The following BTAF1 variants were observed in gnomAD, a reference collection of about 807,000 sequenced individuals.
BTAF1 encodes B-TFIID TATA-box binding protein associated factor 1.
Under a neutral mutation model 227.1 loss-of-function variants are expected in BTAF1, and 38 were observed. The ratio of observed to expected loss-of-function variants is 0.17; its 90% CI spans 0.13 to 0.22. The LOEUF (loss-of-function observed/expected upper bound fraction) is 0.22, where lower values mean the gene tolerates loss of function less well. BTAF1 is among the 10% of genes least tolerant of loss of function. BTAF1 has a pLI of 1.00. For missense variants in BTAF1, 1,598 were observed against 2,204.0 expected, an observed-to-expected ratio of 0.73 and a Z score of 5.51; for synonymous variants, 742 against 751.9, an observed-to-expected ratio of 0.99 and a Z score of 0.21.
intron 13 of BTAF1, 51 bp downstream of exon 13, chr10:91,964,252 C>G: frequency 6.4e-7 from 1 of 1,557,280 alleles, no homozygotes; most frequent in Non-Finnish European, 8.7e-7. Flanking sequence ...ACATACCTTT[C>G]GAGATAATTC....
At chr10:91,992,391 C>A in intron 21 of BTAF1, 82 bp downstream of exon 21, 1 of 1,286,896 alleles carries the variant, frequency 7.8e-7, no homozygotes, top group Non-Finnish European at 1.0e-6. Flanking sequence ...GTTGTATTAG[C>A]TTCCAGAGTT....
intron 27 of BTAF1, 41 bp downstream of exon 27, chr10:92,008,991 G>C: frequency 6.2e-7 from 1 of 1,611,936 alleles, no homozygotes; most frequent in Non-Finnish European, 8.5e-7. Flanking sequence ...TTCCGGATTT[G>C]GAGAAATGTA....
chr10:91,947,944 G>C (rs1467169903), intron 4 of BTAF1, among the ~76,000 whole-genome samples: 7 of 151,800 alleles, frequency 4.6e-5, no homozygotes, highest in Non-Finnish European at 1.0e-4. Context: ...TTTCATATTT[G>C]GGCTTTTGTT....
At chr10:92,014,332 A>T (rs2134133800) in intron 32 of BTAF1, among the ~76,000 whole-genome samples, 1 of 152,096 alleles carries the variant, frequency 6.6e-6, no homozygotes, top group Admixed American at 6.6e-5. Context: ...GGTTCAAGTG[A>T]TTCTCCAGCC....
At chr10:91,929,773 C>G (rs1024887458) in intron 1 of BTAF1, among the ~76,000 whole-genome samples, 1 of 151,898 alleles carries the variant, frequency 6.6e-6, no homozygotes, top group Admixed American at 6.6e-5. Flanking sequence ...CCAGGGTGGT[C>G]TTAAACTCTT....
intron 28 of BTAF1, among the ~76,000 whole-genome samples, chr10:92,009,520 A>C (rs569512415): frequency 6.6e-6 from 1 of 152,056 alleles, no homozygotes. Context: ...TTTTATTCTC[A>C]TTTTCTACCC....
chr10:91,971,866 G>A (rs1037614326), intron 14 of BTAF1, among the ~76,000 whole-genome samples: 2 of 151,894 alleles, frequency 1.3e-5, no homozygotes, highest in African/African-American at 4.8e-5. Context: ...GAAAAGAGCA[G>A]GGAATTGTAT....
chr10:91,958,574 C>A (rs916238973), intron 8 of BTAF1, among the ~76,000 whole-genome samples: 1 of 151,934 alleles, frequency 6.6e-6, no homozygotes, highest in African/African-American at 2.4e-5. Context: ...TGGTGGCGGG[C>A]GCCTGAAATC....
chr10:91,946,686 A>T (rs1238521074), intron 4 of BTAF1, among the ~76,000 whole-genome samples: 1 of 152,148 alleles, frequency 6.6e-6, no homozygotes, highest in African/African-American at 2.4e-5. Context: ...TGTATTGACC[A>T]TTTGTATACC....
chr10:92,025,501 G>A (rs917095331), intron 35 of BTAF1, among the ~76,000 whole-genome samples: 41 of 151,934 alleles, frequency 2.7e-4, no homozygotes, highest in Admixed American at 7.9e-4. Context: ...GACTTCAAGA[G>A]TAGCCATTTT....
chr10:92,024,703 G>A lies in BTAF1; in HGVS notation c.4864-53G>A, dbSNP rs1851364607. The A allele has an allele frequency of 2.8e-6, 4 of 1,443,548 alleles. No individual in the cohort carries two copies. The South Asian group carries it at 5.0e-5, about 18-fold the overall frequency. 89.4% of individuals were successfully genotyped at this position (1,443,548 alleles called of 1,614,324 possible). A position where few individuals can be genotyped will look rare whatever the true frequency, so the allele number is the denominator to read the frequency against. ...AGAGAGGAATGTCACAGTGAGATTA[G>A]TTTTCTGCTTTTATTGAACGCTTAT... On this transcript the variant is annotated intron_variant, in intron 34 of 37. Coordinates refer to ENST00000265990, the MANE Select transcript of BTAF1 (RefSeq NM_003972.3).
At chr10:91,965,926 T>G (rs1356584893) in intron 13 of BTAF1, among the ~76,000 whole-genome samples, 1 of 152,228 alleles carries the variant, frequency 6.6e-6, no homozygotes, top group Admixed American at 6.5e-5. Flanking sequence ...TATTTTTTGC[T>G]TATGTCTTTT....
intron 22 of BTAF1, 48 bp downstream of exon 22, chr10:91,993,895 TATTA>T (rs751203060): frequency 5.5e-5 from 78 of 1,415,408 alleles, no homozygotes; most frequent in Admixed American, 2.0e-4. Flanking sequence ...TTTTAATGTC[TATTA>T]ATTGAATATA....
intron 25 of BTAF1, among the ~76,000 whole-genome samples, chr10:92,000,000 A>T (rs922478823): frequency 1.3e-5 from 2 of 152,140 alleles, no homozygotes; most frequent in East Asian, 3.8e-4. Flanking sequence ...TTCTAGGGTG[A>T]CTGCAGGGGT....
intron 12 of BTAF1, among the ~76,000 whole-genome samples, chr10:91,963,502 A>C (rs535772186): frequency 6.6e-6 from 1 of 152,028 alleles, no homozygotes; most frequent in African/African-American, 2.4e-5. Flanking sequence ...TCCTAAGCTC[A>C]AGAGATCTTC....
intron 5 of BTAF1, among the ~76,000 whole-genome samples, chr10:91,953,222 A>G (rs1362088876): frequency 7.2e-5 from 11 of 152,230 alleles, no homozygotes; most frequent in Non-Finnish European, 1.6e-4. Context: ...CACAGACTTT[A>G]TAGTGTCTTC....
chr10:91,997,424 G>A (rs1455327319), intron 24 of BTAF1, among the ~76,000 whole-genome samples, 179 bp from the exon 25 acceptor site: 2 of 152,198 alleles, frequency 1.3e-5, no homozygotes, highest in African/African-American at 2.4e-5. Flanking sequence ...TTTCCAAGGA[G>A]CAACAAAATG....
chr10:92,018,938 A>G lies in BTAF1; in HGVS notation c.4863+3A>G. On this transcript the variant is annotated splice_donor_region_variant and intron_variant, in intron 34 of 37. Coordinates refer to ENST00000265990, the MANE Select transcript of BTAF1 (RefSeq NM_003972.3). ...CTAAGCTCTCAGCTTTGAAACAAGT[A>G]TGTATGTCTTTTAAGTGTTAAATGT... The G allele has an allele frequency of 1.3e-6, 2 of 1,545,208 alleles. No homozygotes were observed. The highest frequency in any genetic ancestry group is 1.7e-6 in the Non-Finnish European group (2 of 1,149,600).
chr10:91,980,497 G>T lies in BTAF1; in HGVS notation c.1694G>T (p.Arg565Leu). 6.2e-7 allele frequency: 1 copy of T among 1,613,092 alleles called. No individual in the cohort carries two copies. Among genetic ancestry groups the T allele is most frequent in the Non-Finnish European group, 8.5e-7 (1 of 1,179,418 alleles). ...WLIPILPDMLRHIFQFCVLES... is the reference protein window; with the variant it reads ...WLIPILPDMLLHIFQFCVLES... ...ATACCTATACTGCCTGATATGCTCC[G>T]ACACATTTTTCAGTTCTGTGTTTTG... is the stretch of plus-strand genomic sequence containing the variant. Residue 565 changes from arginine to leucine, a missense_variant, in exon 15 of 38, where the codon CGA becomes CTA. Physicochemically the swap from Arg to Leu is moderately radical, Grantham distance 102. Transcript: ENST00000265990.
Sources: gnomAD v4.1 joint callset for allele counts (sites outside exome capture counted in the v4.1 genomes callset) on GRCh38, gnomAD v4.1.1 for gene constraint, MANE v1.5 for transcripts, NCBI Gene and HGNC (gene_info 2026-07-23, HGNC 2026-07-21) for gene names.